Variants in VMAC observed in about 807,000 individuals in gnomAD.
VMAC encodes the protein vimentin-type intermediate filament-associated coiled-coil protein.
Under a neutral mutation model 4.8 loss-of-function variants are expected in VMAC, and 8 were observed. That is an observed-to-expected ratio of 1.68 (90% CI 0.99 to 3.03). The LOEUF is 3.03. VMAC is among the 30% of genes most tolerant of loss of function. The pLI, the probability that VMAC is intolerant of heterozygous loss-of-function variation, is 0.00. For missense variants in VMAC, 248 were observed against 245.1 expected (o/e 1.01, Z -0.08); for synonymous variants, 96 against 113.7 (o/e 0.84, Z 0.99).
rs1168637658 is a variant in VMAC at position 5,908,640 on chromosome 19, ATAT to A, written c.192-183_192-181del. On this transcript the variant is annotated intron_variant, in intron 1 of 1. Transcript: ENST00000339485. The surrounding 1 kb of genome is among the most constrained non-coding windows in gnomAD (Gnocchi z 4.5). ...CAAAAAAAAATAATAATAAAATAAA[ATAT>A]AATAATAATAATAAAAACAAAGAAA... is the stretch of plus-strand genomic sequence containing the variant. Among the ~76,000 whole-genome samples, 5 of 83,686 alleles carry A rather than the reference ATAT, an allele frequency of 6.0e-5. No individual in the cohort carries two copies. The highest frequency in any genetic ancestry group is 2.0e-4 in the African/African-American group (5 of 24,496). 54.9% of individuals were successfully genotyped at this position (83,686 alleles called of 152,430 possible). A position where few individuals can be genotyped will look rare whatever the true frequency, so the allele number is the denominator to read the frequency against.
intron 1 of VMAC, among the ~76,000 whole-genome samples, chr19:5,906,533 A>G (rs1350315098): frequency 6.6e-6 from 1 of 152,224 alleles, no homozygotes; most frequent in Non-Finnish European, 1.5e-5. Flanking sequence ...TCCACAGTCC[A>G]GTGGAGAGAC....
At chr19:5,905,139 G>A (rs1311327469) in intron 1 of VMAC, 58 bp downstream of exon 1, 3 of 1,332,830 alleles carry the variant, frequency 2.3e-6, no homozygotes, top group Non-Finnish European at 2.9e-6. Flanking sequence ...AGGCAGAGCC[G>A]AGGCTGGAAA....
chr19:5,904,963 G>T lies in VMAC; in HGVS notation c.73G>T (p.Glu25Ter). The change falls in exon 1 of 2, where the codon GAG becomes TAG. Residue 25 changes from glutamate to a stop codon, truncating the protein, a stop_gained. Transcript: ENST00000339485. LOFTEE classifies it high-confidence loss of function. ...HLAAVHRRAA[E>*]LEARLDAAER... ...GGCAGCCGTGCACCGGCGCGCAGCG[G>T]AGCTGGAGGCGCGGCTGGACGCGGC... 6.8e-7 allele frequency: 1 copy of T among 1,476,280 alleles called. No individual in the cohort carries two copies. The allele number at this position is 1,476,280 out of a possible 1,614,324, so 91.4% of individuals were successfully genotyped here.
chr19:5,909,129 G>A lies in VMAC; in HGVS notation c.497G>A (p.Gly166Glu). The change falls in exon 2 of 2, where the codon GGG (glycine) becomes GAG (glutamate). Residue 166 changes from glycine (G) to glutamate (E), a missense_variant. Gly to Glu is a moderately conservative substitution (Grantham distance 98). Coordinates refer to ENST00000339485, the MANE Select transcript of VMAC (RefSeq NM_001017921.4). ...DRDHLQPAVF[G>E]TTV is the part of the protein sequence containing the mutation. The stretch of plus-strand genomic sequence containing the variant: ...GACCACCTCCAGCCTGCAGTGTTTG[G>A]GACCACAGTGTGAGCCCGGAATGCA... 6.5e-7 allele frequency: 1 copy of A among 1,541,826 alleles called. No individual in the cohort carries two copies. The highest frequency in any genetic ancestry group is 8.7e-7 in the Non-Finnish European group (1 of 1,150,264).
At position 5,910,821 on chromosome 19, in the gene VMAC, C is replaced by CTTTCTTTCTTTTTTTTTTTTTTT. The variant is rs1568436262; in HGVS notation, c.*1682_*1683insCTTTCTTTTTTTTTTTTTTTTTT. On this transcript the variant is annotated 3_prime_UTR_variant, in exon 2 of 2. Transcript: ENST00000339485. ...GAAATTCTGTTTTCTTTCTTTCTTT[C>CTTTCTTTCTTTTTTTTTTTTTTT]TTTTTTTTTTAAAGAGACAAAGTCT... The CTTTCTTTCTTTTTTTTTTTTTTT allele has an allele frequency of 1.5e-4, 21 of 143,030 alleles. No individual in the cohort carries two copies. The highest frequency in any genetic ancestry group is 5.5e-4 in the African/African-American group (20 of 36,558). 8.9% of individuals were successfully genotyped at this position (143,030 alleles called of 1,614,324 possible). A position where few individuals can be genotyped will look rare whatever the true frequency, so the allele number is the denominator to read the frequency against.
Position 5,905,092 on chromosome 19 carries a change from G to T in VMAC, c.191+11G>T. On this transcript the variant is annotated intron_variant, in intron 1 of 1. Transcript: ENST00000339485. ...TCGCGCCAAGGACCGGTGAGGCCCG[G>T]GGCCGGCCAGGTGGACTTCACCGAG... The T allele has an allele frequency of 7.5e-7, 1 of 1,340,078 alleles. No homozygotes were observed. The highest frequency in any genetic ancestry group is 1.9e-5 in the South Asian group (1 of 52,852). The allele number at this position is 1,340,078 out of a possible 1,614,324, so 83.0% of individuals were successfully genotyped here. A position where few individuals can be genotyped will look rare whatever the true frequency, so the allele number is the denominator to read the frequency against.
chr19:5,904,912 C>A lies in VMAC; in HGVS notation c.22C>A (p.Gln8Lys). The A allele has an allele frequency of 6.7e-7, 1 of 1,488,178 alleles. No individual in the cohort carries two copies. The highest frequency in any genetic ancestry group is 2.4e-4 in the Middle Eastern group (1 of 4,212). The allele number at this position is 1,488,178 out of a possible 1,614,324, so 92.2% of individuals were successfully genotyped here. The change falls in exon 1 of 2, where the codon CAG becomes AAG. Residue 8 changes from glutamine (Q) to lysine (K), a missense_variant. Gln to Lys is a moderately conservative substitution (Grantham distance 53). Transcript: ENST00000339485. MSAPPAL[Q>K]IREANAHLAA... ...GGCCATGTCGGCGCCGCCGGCCCTGCAGATCCGGGAGGCAAACGCACACCT... is the reference window on the plus strand; with the variant it reads ...GGCCATGTCGGCGCCGCCGGCCCTGAAGATCCGGGAGGCAAACGCACACCT...
rs1208142406 is a variant in VMAC at position 5,905,000 on chromosome 19, T to A, written c.110T>A (p.Val37Glu). 6.9e-7 allele frequency: 1 copy of A among 1,449,208 alleles called. No individual in the cohort carries two copies. Among genetic ancestry groups the A allele is most frequent in the Non-Finnish European group, 9.0e-7 (1 of 1,111,134 alleles). The allele number at this position is 1,449,208 out of a possible 1,614,324, so 89.8% of individuals were successfully genotyped here. ...EARLDAAERT[V>E]HAQAERLALH... ...CGGCTGGACGCGGCGGAGCGCACGG[T>A]GCACGCCCAAGCCGAGCGCCTGGCC... Residue 37 changes from valine (V) to glutamate (E), a missense_variant, in exon 1 of 2, where the codon GTG becomes GAG. Coordinates refer to ENST00000339485, the MANE Select transcript of VMAC (RefSeq NM_001017921.4).
Position 5,908,152 on chromosome 19 carries a change from T to C in VMAC, c.192-672T>C, listed in dbSNP as rs146033453. ...TGAGGTCAGGAGTTTAAGACCAGTC[T>C]GGCCAACATGGCAAAACCTTGTCTC... On this transcript the variant is annotated intron_variant, in intron 1 of 1. Coordinates refer to ENST00000339485, the MANE Select transcript of VMAC (RefSeq NM_001017921.4). The surrounding 1 kb of genome is among the most constrained non-coding windows in gnomAD (Gnocchi z 4.5). Among the ~76,000 whole-genome samples the C allele has an allele frequency of 0.11, 16,182 of 152,030 alleles. 982 individuals carry two copies. The highest frequency in any genetic ancestry group is 0.19 in the Middle Eastern group (56 of 294).
chr19:5,908,969 C>A lies in VMAC; in HGVS notation c.337C>A (p.Pro113Thr). Reference sequence around the variant, plus strand: ...GCAGGACATCTGCCGCCGCCGGCCACCCCTGGCTGGGCTGCTGGATGCCCT... The same window carrying A: ...GCAGGACATCTGCCGCCGCCGGCCAACCCTGGCTGGGCTGCTGGATGCCCT... ...LLQDICRRRPPLAGLLDALAE... is the reference protein window; with the variant it reads ...LLQDICRRRPTLAGLLDALAE... The change falls in exon 2 of 2, where the codon CCC becomes ACC. Residue 113 changes from proline (P) to threonine (T), a missense_variant. Physicochemically the swap from Pro to Thr is conservative, Grantham distance 38. Transcript: ENST00000339485. The surrounding 1 kb of genome is among the most constrained non-coding windows in gnomAD (Gnocchi z 4.5). 6.2e-7 allele frequency: 1 copy of A among 1,612,424 alleles called. No individual in the cohort carries two copies. Among genetic ancestry groups the A allele is most frequent in the South Asian group, 1.1e-5 (1 of 90,960 alleles).
intron 1 of VMAC, among the ~76,000 whole-genome samples, chr19:5,905,654 C>G (rs1357869672): frequency 6.6e-6 from 1 of 152,092 alleles, no homozygotes; most frequent in East Asian, 1.9e-4. Flanking sequence ...CTCCTGACCT[C>G]AGGTGATCCG....
intron 1 of VMAC, 60 bp downstream of exon 1, chr19:5,905,141 G>A: frequency 1.5e-6 from 2 of 1,330,402 alleles, no homozygotes; most frequent in Non-Finnish European, 1.9e-6. Flanking sequence ...GCAGAGCCGA[G>A]GCTGGAAAGC....
rs1215802071 is a variant in VMAC, at chr19:5,904,950, C to T, written c.60C>T (p.His20=). 1 of 1,482,182 alleles carries T rather than the reference C, an allele frequency of 6.7e-7. No individual in the cohort carries two copies. Among genetic ancestry groups the T allele is most frequent in the Non-Finnish European group, 8.9e-7 (1 of 1,126,626 alleles). The allele number at this position is 1,482,182 out of a possible 1,614,324, so 91.8% of individuals were successfully genotyped here. A position where few individuals can be genotyped will look rare whatever the true frequency, so the allele number is the denominator to read the frequency against. The stretch of plus-strand genomic sequence containing the variant: ...CAAACGCACACCTGGCAGCCGTGCA[C>T]CGGCGCGCAGCGGAGCTGGAGGCGC... The part of the protein sequence containing the change: ...REANAHLAAV[H]RRAAELEARL... The change falls in exon 1 of 2, where the codon CAC becomes CAT. Residue 20 remains histidine (H), a synonymous_variant. Coordinates refer to ENST00000339485, the MANE Select transcript of VMAC (RefSeq NM_001017921.4).
Position 5,910,303 on chromosome 19 carries a change from C to A in VMAC, c.*1161C>A, listed in dbSNP as rs186491355. 1 of 152,350 alleles carries A rather than the reference C, an allele frequency of 6.6e-6. No homozygotes were observed. The highest frequency in any genetic ancestry group is 6.5e-5 in the Admixed American group (1 of 15,292). 9.4% of individuals were successfully genotyped at this position (152,350 alleles called of 1,614,324 possible). On this transcript the variant is annotated 3_prime_UTR_variant, in exon 2 of 2. Transcript: ENST00000339485. The stretch of plus-strand genomic sequence containing the variant: ...GCCTCCTGGTAGGGTCCTGCTGGGC[C>A]AGGTAGAATCTAGGGAGTGTAGGCC...
Position 5,910,443 on chromosome 19 carries a change from C to G in VMAC, c.*1301C>G, listed in dbSNP as rs1175076456. 2.6e-5 allele frequency: 4 copies of G among 152,320 alleles called. No homozygotes were observed. The highest frequency in any genetic ancestry group is 6.5e-5 in the Admixed American group (1 of 15,270). 9.4% of individuals were successfully genotyped at this position (152,320 alleles called of 1,614,324 possible). A position where few individuals can be genotyped will look rare whatever the true frequency, so the allele number is the denominator to read the frequency against. The stretch of plus-strand genomic sequence containing the variant: ...CCAGGCCGGGCGCGGTGTCTCACGC[C>G]TGTAATCCCAGCACTTTGGGATGCG... On this transcript the variant is annotated 3_prime_UTR_variant, in exon 2 of 2. Coordinates refer to ENST00000339485, the MANE Select transcript of VMAC (RefSeq NM_001017921.4).
chr19:5,909,178 C>T lies in VMAC; in HGVS notation c.*36C>T, dbSNP rs1209817661. On this transcript the variant is annotated 3_prime_UTR_variant, in exon 2 of 2. Transcript: ENST00000339485. ...CAGATTACAGAATGGAGACAGAAAG[C>T]CACTGCTGTCAGTGTCCTTGGGAGT... 1 of 1,521,194 alleles carries T rather than the reference C, an allele frequency of 6.6e-7. No individual in the cohort carries two copies. The highest frequency in any genetic ancestry group is 8.8e-7 in the Non-Finnish European group (1 of 1,141,540). The allele number at this position is 1,521,194 out of a possible 1,614,324, so 94.2% of individuals were successfully genotyped here.
chr19:5,906,151 T>A lies in VMAC; in HGVS notation c.191+1070T>A, dbSNP rs2057678357. Reference sequence around the variant, plus strand: ...TGGCTGATTTAAAAAAAAAAATCCTTTAGAAATGGGGTCAGACTATGTTGC... The same window carrying A: ...TGGCTGATTTAAAAAAAAAAATCCTATAGAAATGGGGTCAGACTATGTTGC... On this transcript the variant is annotated intron_variant, in intron 1 of 1. Transcript: ENST00000339485. Among the ~76,000 whole-genome samples the A allele has an allele frequency of 5.3e-5, 8 of 151,622 alleles. 1 individual carries two copies. In the South Asian group the frequency reaches 1.5e-3, roughly 28 times the overall value.
In VMAC at chr19:5,908,783, G is replaced by T; in HGVS notation, c.192-41G>T. 1 of 1,603,794 alleles carries T rather than the reference G, an allele frequency of 6.2e-7. No homozygotes were observed. ...AGAGCAGGGAGGAGCAGGTGCTGTG[G>T]TCCTCAGTTCTGTAATCACCTCCTC... On this transcript the variant is annotated intron_variant, in intron 1 of 1. Transcript: ENST00000339485. This position sits in a 1 kb window ranked among gnomAD's most constrained non-coding sequence, Gnocchi z 4.5.
Position 5,910,817 on chromosome 19 carries a change from C to CTTTTTT in VMAC, c.*1678_*1679insTTTTTT, listed in dbSNP as rs2057695262. The CTTTTTT allele has an allele frequency of 8.6e-6, 1 of 116,030 alleles. No individual in the cohort carries two copies. The highest frequency in any genetic ancestry group is 3.0e-5 in the African/African-American group (1 of 33,730). The allele number at this position is 116,030 out of a possible 1,614,324, so 7.2% of individuals were successfully genotyped here. A position where few individuals can be genotyped will look rare whatever the true frequency, so the allele number is the denominator to read the frequency against. On this transcript the variant is annotated 3_prime_UTR_variant, in exon 2 of 2. Transcript: ENST00000339485. The stretch of plus-strand genomic sequence containing the variant: ...TGCTGAAATTCTGTTTTCTTTCTTT[C>CTTTTTT]TTTCTTTTTTTTTTAAAGAGACAAA...
Sources: gnomAD v4.1 joint callset for allele counts (sites outside exome capture counted in the v4.1 genomes callset) on GRCh38, gnomAD v4.1.1 for gene constraint, Gnocchi (gnomAD v3.1) non-coding constraint, MANE v1.5 for transcripts, NCBI Gene and HGNC (gene_info 2026-07-23, HGNC 2026-07-21) for gene names.